CA13: variants seen among roughly 807,000 people sequenced by gnomAD.
The protein encoded by CA13 is CA-XIII.
A neutral mutation model predicts 31.5 loss-of-function variants in CA13; 21 were observed. The observed-to-expected ratio is 0.67, with a 90% CI of 0.47 to 0.96. CA13 has a LOEUF of 0.96. CA13 is among the 40% of genes least tolerant of loss of function. The pLI is 0.00. For synonymous variants in CA13, 117 were observed against 111.4 expected (o/e 1.05, Z -0.32); for missense variants, 315 against 318.9 (o/e 0.99, Z 0.09).
intron 3 of CA13, among the ~76,000 whole-genome samples, chr8:85,260,810 C>T (rs1807365572): frequency 6.6e-6 from 1 of 152,208 alleles, no homozygotes; most frequent in Non-Finnish European, 1.5e-5. Flanking sequence ...ATAACATGTT[C>T]TAAATGTCCA....
intron 2 of CA13, among the ~76,000 whole-genome samples, chr8:85,258,607 A>G (rs1345807245): frequency 1.3e-5 from 2 of 151,764 alleles, no homozygotes; most frequent in African/African-American, 4.8e-5. Flanking sequence ...TCCCATTACT[A>G]TCTTGTTTTT....
Position 85,280,056 on chromosome 8 carries a change from C to T in CA13, c.670-1174C>T, listed in dbSNP as rs1488500513. On this transcript the variant is annotated intron_variant, in intron 6 of 6. Coordinates refer to ENST00000321764, the MANE Select transcript of CA13 (RefSeq NM_198584.3). ...CAGCACTTTAGGAGGCTGAGGAGGG[C>T]GGATCATGAGGTCAAGAGATCAAGA... Among the ~76,000 whole-genome samples the T allele has an allele frequency of 2.0e-5, 3 of 151,924 alleles. No homozygotes were observed. In the South Asian group the frequency reaches 6.2e-4, roughly 32 times the overall value.
intron 3 of CA13, among the ~76,000 whole-genome samples, chr8:85,264,408 C>G (rs1365883196): frequency 6.6e-6 from 1 of 151,806 alleles, no homozygotes; most frequent in Non-Finnish European, 1.5e-5. Context: ...AATCACTGCT[C>G]TTGTCATTGT....
intron 6 of CA13, 107 bp from the exon 7 acceptor site, chr8:85,281,123 G>T: frequency 1.5e-6 from 2 of 1,315,952 alleles, no homozygotes; most frequent in Non-Finnish European, 2.1e-6. Flanking sequence ...AATTTTCATT[G>T]CAGTATTTTT....
rs968038101 is a variant in CA13 at position 85,283,441 on chromosome 8, A to T, written c.*2092A>T. 4.6e-5 allele frequency: 7 copies of T among 152,554 alleles called. No homozygotes were observed. The highest frequency in any genetic ancestry group is 2.6e-4 in the Admixed American group (4 of 15,294). 9.5% of individuals were successfully genotyped at this position (152,554 alleles called of 1,614,324 possible). ...ATTTAATGAATTGAATATTTAAAAA[A>T]TTTTTTATTTGCTGTCTTTGGTAAT... On this transcript the variant is annotated 3_prime_UTR_variant, in exon 7 of 7. Coordinates refer to ENST00000321764, the MANE Select transcript of CA13 (RefSeq NM_198584.3).
chr8:85,253,903 C>T (rs973108214), intron 2 of CA13, among the ~76,000 whole-genome samples: 1 of 152,016 alleles, frequency 6.6e-6, no homozygotes, highest in African/African-American at 2.4e-5. Context: ...AAGTTTATAC[C>T]ACATAAGTGT....
chr8:85,263,747 A>G (rs1240862022), intron 3 of CA13, among the ~76,000 whole-genome samples: 2 of 152,168 alleles, frequency 1.3e-5, no homozygotes, highest in African/African-American at 2.4e-5. Flanking sequence ...GATGTCTGTT[A>G]GGCATTCTAG....
At chr8:85,247,316 TTAG>T (rs1317099922) in intron 1 of CA13, among the ~76,000 whole-genome samples, 2 of 152,170 alleles carry the variant, frequency 1.3e-5, no homozygotes, top group Admixed American at 6.5e-5. Flanking sequence ...TGATTACTCT[TTAG>T]TAGGTTAGAA....
At chr8:85,264,854 T>G (rs1033651498) in intron 3 of CA13, among the ~76,000 whole-genome samples, 1 of 152,226 alleles carries the variant, frequency 6.6e-6, no homozygotes, top group Non-Finnish European at 1.5e-5. Context: ...TTCTGTTTCA[T>G]CACCCGGTGT....
Position 85,245,626 on chromosome 8 carries a change from A to G in CA13, c.-203A>G, listed in dbSNP as rs1466777170. ...GAGACTCGCGCCCCAGGAGTCAGCC[A>G]GCGGCGCGGGCGCCTTCCCCGCACG... On this transcript the variant is annotated 5_prime_UTR_variant, in exon 1 of 7. Transcript: ENST00000321764. 3.3e-6 allele frequency: 2 copies of G among 599,966 alleles called. No individual in the cohort carries two copies. The highest frequency in any genetic ancestry group is 5.9e-6 in the Non-Finnish European group (2 of 339,890). The allele number at this position is 599,966 out of a possible 1,614,324, so 37.2% of individuals were successfully genotyped here.
At chr8:85,269,880 T>G (rs1315597868) in intron 6 of CA13, among the ~76,000 whole-genome samples, 2 of 152,208 alleles carry the variant, frequency 1.3e-5, no homozygotes, top group East Asian at 3.9e-4. Flanking sequence ...GGCTTATTTT[T>G]TTTTTGAAAA....
At chr8:85,259,907 GA>G (rs1346148285) in intron 3 of CA13, among the ~76,000 whole-genome samples, 1 of 151,978 alleles carries the variant, frequency 6.6e-6, no homozygotes, top group African/African-American at 2.4e-5. Context: ...AGAAGAGAGA[GA>G]AAGAAACATT....
At chr8:85,271,653 C>A (rs1231811697) in intron 6 of CA13, among the ~76,000 whole-genome samples, 1 of 152,098 alleles carries the variant, frequency 6.6e-6, no homozygotes, top group Admixed American at 6.6e-5. Context: ...TTCTATTCTC[C>A]TTTTAAAGAA....
chr8:85,282,209 T>G lies in CA13; in HGVS notation c.*860T>G, dbSNP rs984281920. The G allele has an allele frequency of 6.6e-6, 1 of 152,376 alleles. No individual in the cohort carries two copies. The highest frequency in any genetic ancestry group is 1.5e-5 in the Non-Finnish European group (1 of 68,022). The allele number at this position is 152,376 out of a possible 1,614,324, so 9.4% of individuals were successfully genotyped here. A position where few individuals can be genotyped will look rare whatever the true frequency, so the allele number is the denominator to read the frequency against. The stretch of plus-strand genomic sequence containing the variant: ...TTTAATAAAATGAACAATATAAGAG[T>G]TAAGGGCAATGGGATAAAGCTACTT... On this transcript the variant is annotated 3_prime_UTR_variant, in exon 7 of 7. Transcript: ENST00000321764.
In CA13 at chr8:85,258,794, G is replaced by A. The variant is rs553214571; in HGVS notation, c.236-627G>A. On this transcript the variant is annotated intron_variant, in intron 2 of 6. Coordinates refer to ENST00000321764, the MANE Select transcript of CA13 (RefSeq NM_198584.3). ...AAAAAAAAAAAAAAAAAAAAGGGCTGAGTGTAGTGGTGCATACCTGTAGTT... is the reference window on the plus strand; with the variant it reads ...AAAAAAAAAAAAAAAAAAAAGGGCTAAGTGTAGTGGTGCATACCTGTAGTT... 2.1e-5 allele frequency among the ~76,000 whole-genome samples: 3 copies of A among 140,586 alleles called. No homozygotes were observed. The South Asian group carries it at 6.8e-4, about 32-fold the overall frequency. 92.2% of individuals were successfully genotyped at this position (140,586 alleles called of 152,430 possible).
Position 85,250,923 on chromosome 8 carries a change from C to A in CA13, c.221C>A (p.Thr74Lys). Residue 74 changes from threonine (T) to lysine (K), a missense_variant, in exon 2 of 7, where the codon ACA (threonine) becomes AAA (lysine). By Grantham distance (78) the Thr-to-Lys change is moderately conservative. Coordinates refer to ENST00000321764, the MANE Select transcript of CA13 (RefSeq NM_198584.3). The stretch of plus-strand genomic sequence containing the variant: ...TCCTTCAATGTTGACTTTGATGACA[C>A]AGAGAACAAATCAGGTTGGCTTTTC... ...GHSFNVDFDD[T>K]ENKSVLRGGP... 1 of 1,613,616 alleles carries A rather than the reference C, an allele frequency of 6.2e-7. No homozygotes were observed. Among genetic ancestry groups the A allele is most frequent in the Non-Finnish European group, 8.5e-7 (1 of 1,179,868 alleles).
In CA13 at chr8:85,271,329, G is replaced by A. The variant is rs143507614; in HGVS notation, c.669+2702G>A. Among the ~76,000 whole-genome samples the A allele has an allele frequency of 3.9e-3, 588 of 152,246 alleles. 1 individual carries two copies. Among genetic ancestry groups the A allele is most frequent in the Non-Finnish European group, 7.5e-3 (509 of 68,010 alleles). On this transcript the variant is annotated intron_variant, in intron 6 of 6. Coordinates refer to ENST00000321764, the MANE Select transcript of CA13 (RefSeq NM_198584.3). ...ATGAATACTAAGTGTAGTGTTTTCC[G>A]GATTTTTTCCTAGGGTTTTCTCCAC... is the stretch of plus-strand genomic sequence containing the variant.
chr8:85,250,568 C>A (rs757562140), intron 1 of CA13, among the ~76,000 whole-genome samples, 172 bp from the exon 2 acceptor site: 10 of 152,008 alleles, frequency 6.6e-5, no homozygotes, highest in Non-Finnish European at 1.2e-4. Context: ...ATAATAAAAA[C>A]AACTAATCTT....
intron 2 of CA13, among the ~76,000 whole-genome samples, chr8:85,253,002 A>G (rs959308335): frequency 2.6e-5 from 4 of 151,270 alleles, no homozygotes; most frequent in Non-Finnish European, 4.4e-5. Context: ...CTGGAGTGCA[A>G]TGGCACAGTC....
Sources: allele counts gnomAD v4.1 joint callset (sites outside exome capture counted in the v4.1 genomes callset), GRCh38; gene constraint gnomAD v4.1.1; transcripts MANE v1.5; gene names NCBI Gene and HGNC (gene_info 2026-07-23, HGNC 2026-07-21).